PARD3B: variants seen among roughly 807,000 people sequenced by gnomAD.
PARD3B encodes partitioning defective 3 homolog B.
Under a neutral mutation model 130.2 loss-of-function variants are expected in PARD3B, and 103 were observed. That is an observed-to-expected ratio of 0.79 (90% CI 0.67 to 0.93). The LOEUF is 0.93. PARD3B is among the 40% of genes least tolerant of loss of function. The probability of loss-of-function intolerance (pLI) is 0.00; values close to 1 mark genes in which losing one functional copy is unlikely to be tolerated. For missense variants in PARD3B, 1,609 were observed against 1,499.2 expected (o/e 1.07, Z -1.21); for synonymous variants, 583 against 553.2 (o/e 1.05, Z -0.76).
intron 13 of PARD3B, among the ~76,000 whole-genome samples, chr2:205,181,557 C>A (rs184105079): frequency 6.1e-4 from 93 of 152,322 alleles, no homozygotes; most frequent in Admixed American, 1.9e-3. Context: ...CACTCATGGA[C>A]AATACATAAA....
chr2:204,671,339 C>T (rs541579492), intron 1 of PARD3B, among the ~76,000 whole-genome samples: 10 of 152,108 alleles, frequency 6.6e-5, no homozygotes, highest in African/African-American at 1.4e-4. Context: ...TCTTGCCTCT[C>T]GATGAGTGAG....
At chr2:204,835,137 C>T (rs1050806609) in intron 2 of PARD3B, among the ~76,000 whole-genome samples, 7 of 152,184 alleles carry the variant, frequency 4.6e-5, no homozygotes, top group Non-Finnish European at 1.0e-4. Context: ...TCTGTGGAGT[C>T]ATGTATATAT....
intron 2 of PARD3B, among the ~76,000 whole-genome samples, chr2:204,750,896 T>C (rs2040440468): frequency 6.6e-6 from 1 of 152,222 alleles, no homozygotes; most frequent in Admixed American, 6.5e-5. Context: ...CTTTACATTT[T>C]TTTAAAAATG....
chr2:205,072,545 C>G (rs1042570904), intron 4 of PARD3B, among the ~76,000 whole-genome samples: 1 of 152,092 alleles, frequency 6.6e-6, no homozygotes, highest in Non-Finnish European at 1.5e-5. Flanking sequence ...ACCTACGGCA[C>G]CCAGCTGAGG....
At position 204,998,316 on chromosome 2, in the gene PARD3B, A is replaced by G. The variant is rs964806769; in HGVS notation, c.394+32993A>G. Among the ~76,000 whole-genome samples, 66 of 21,676 alleles carry G rather than the reference A, an allele frequency of 3.0e-3. 2 individuals are homozygous for G. In the South Asian group the frequency reaches 0.069, roughly 23 times the overall value. 14.2% of individuals were successfully genotyped at this position (21,676 alleles called of 152,430 possible). On this transcript the variant is annotated intron_variant, in intron 3 of 22. Transcript: ENST00000406610. ...ACATGTATCCCAGAACTTAAAGTATATATATATATATATATATATATATAT... is the reference window on the plus strand; with the variant it reads ...ACATGTATCCCAGAACTTAAAGTATGTATATATATATATATATATATATAT...
chr2:205,132,245 T>A (rs946331240), intron 10 of PARD3B, among the ~76,000 whole-genome samples: 1 of 152,210 alleles, frequency 6.6e-6, no homozygotes, highest in Admixed American at 6.5e-5. Flanking sequence ...TTTTGGCAAC[T>A]GGTAGATGTG....
chr2:205,297,924 T>C (rs1169206512), intron 16 of PARD3B, among the ~76,000 whole-genome samples: 1 of 152,228 alleles, frequency 6.6e-6, no homozygotes, highest in Non-Finnish European at 1.5e-5. Context: ...TCTATTAATC[T>C]TGCAAAATCC....
intron 2 of PARD3B, among the ~76,000 whole-genome samples, chr2:204,771,308 A>G (rs2041367361): frequency 1.3e-5 from 2 of 152,020 alleles, no homozygotes; most frequent in African/African-American, 2.4e-5. Context: ...TCTATGAATT[A>G]TCTGCACCCA....
chr2:205,113,785 G>T (rs958780445), intron 6 of PARD3B, among the ~76,000 whole-genome samples: 2 of 152,044 alleles, frequency 1.3e-5, no homozygotes, highest in South Asian at 4.1e-4. Flanking sequence ...ATCAATCACT[G>T]TTTCTCCATT....
rs947851708 is a variant in PARD3B, at chr2:205,128,052, G to A, written c.1434+2315G>A. Among the ~76,000 whole-genome samples, 1 of 152,194 alleles carries A rather than the reference G, an allele frequency of 6.6e-6. No homozygotes were observed. Among genetic ancestry groups the A allele is most frequent in the African/African-American group, 2.4e-5 (1 of 41,448 alleles). On this transcript the variant is annotated intron_variant, in intron 10 of 22. Coordinates refer to ENST00000406610, the MANE Select transcript of PARD3B (RefSeq NM_001302769.2). The surrounding 1 kb of genome is among the most constrained non-coding windows in gnomAD (Gnocchi z 4.5). ...TCATTTCTTGTCTGATATTTAGGTT[G>A]TTAGAAATAAAAACTCTCCAAAATC...
At chr2:204,993,937 AT>A (rs1392717972) in intron 3 of PARD3B, among the ~76,000 whole-genome samples, 1 of 151,748 alleles carries the variant, frequency 6.6e-6, no homozygotes, top group African/African-American at 2.4e-5. Context: ...CCCCTTTATC[AT>A]TTTTTATTGC....
chr2:205,403,036 A>G (rs1178195693), intron 19 of PARD3B, among the ~76,000 whole-genome samples: 2 of 152,172 alleles, frequency 1.3e-5, no homozygotes, highest in African/African-American at 4.8e-5. Flanking sequence ...CATCTATGGG[A>G]AACCAATTCA....
At chr2:205,552,615 G>A (rs1396250325) in intron 21 of PARD3B, among the ~76,000 whole-genome samples, 7 of 151,962 alleles carry the variant, frequency 4.6e-5, no homozygotes, top group Non-Finnish European at 1.0e-4. Context: ...CACTATGTTG[G>A]CCAGTCTGGT....
intron 4 of PARD3B, among the ~76,000 whole-genome samples, chr2:205,094,449 C>T (rs1702288474): frequency 1.3e-5 from 2 of 152,068 alleles, no homozygotes; most frequent in African/African-American, 4.8e-5. Flanking sequence ...CTTGTCAATG[C>T]GGTTCTCTAT....
At chr2:204,878,384 A>C (rs2125662888) in intron 2 of PARD3B, among the ~76,000 whole-genome samples, 1 of 152,322 alleles carries the variant, frequency 6.6e-6, no homozygotes, top group East Asian at 1.9e-4. Flanking sequence ...ATAACACAGA[A>C]AAAAATTGTT....
At chr2:204,635,298 A>G (rs1051038311) in intron 1 of PARD3B, among the ~76,000 whole-genome samples, 1 of 152,096 alleles carries the variant, frequency 6.6e-6, no homozygotes, top group African/African-American at 2.4e-5. Context: ...GGGAAATGGT[A>G]TTTTGAGGAC....
intron 2 of PARD3B, among the ~76,000 whole-genome samples, chr2:204,832,323 A>C (rs781525511): frequency 6.6e-6 from 1 of 152,122 alleles, no homozygotes; most frequent in Non-Finnish European, 1.5e-5. Context: ...TTTTGCGTTC[A>C]TGCTTGCTTT....
At chr2:205,457,523 T>C (rs1318439074) in intron 20 of PARD3B, among the ~76,000 whole-genome samples, 2 of 152,208 alleles carry the variant, frequency 1.3e-5, no homozygotes, top group East Asian at 3.9e-4. Flanking sequence ...GCTTTTTCTC[T>C]TTGTTCCTTT....
At chr2:205,161,873 C>T (rs1310256207) in intron 11 of PARD3B, among the ~76,000 whole-genome samples, 1 of 152,176 alleles carries the variant, frequency 6.6e-6, no homozygotes, top group Non-Finnish European at 1.5e-5. Flanking sequence ...GAAAACTAAA[C>T]TACTTTGAAA....
Sources: allele counts gnomAD v4.1 joint callset (sites outside exome capture counted in the v4.1 genomes callset), GRCh38; gene constraint gnomAD v4.1.1; non-coding constraint Gnocchi (gnomAD v3.1); transcripts MANE v1.5; gene names NCBI Gene and HGNC (gene_info 2026-07-23, HGNC 2026-07-21).